Variants in AGMO observed in about 807,000 individuals in gnomAD.
The protein encoded by AGMO is glyceryl-ether monooxygenase.
In AGMO, 75 loss-of-function variants were observed where a neutral mutation model predicts 60.2. The observed-to-expected ratio is 1.25, with a 90% CI of 1.03 to 1.51. The LOEUF is 1.51. AGMO is among the 40% of genes most tolerant of loss of function. The pLI, the probability that AGMO is intolerant of heterozygous loss-of-function variation, is 0.00. For missense variants in AGMO, 763 were observed against 525.5 expected (o/e 1.45, Z -4.42); for synonymous variants, 261 against 177.1 (o/e 1.47, Z -3.76).
At chr7:15,224,628 C>A (rs1782022191) in intron 12 of AGMO, among the ~76,000 whole-genome samples, 1 of 152,004 alleles carries the variant, frequency 6.6e-6, no homozygotes, top group South Asian at 2.1e-4. Flanking sequence ...CTAAGGCAAG[C>A]ACTGAATGTC....
At chr7:15,405,861 T>TA (rs142900964) in intron 5 of AGMO, among the ~76,000 whole-genome samples, 14,539 of 151,818 alleles carry the variant, frequency 0.096, 835 homozygotes, top group South Asian at 0.15. Flanking sequence ...CTAATGAAGC[T>TA]AAAATAGGAC....
chr7:15,404,080 G>A (rs1488017329), intron 5 of AGMO, among the ~76,000 whole-genome samples: 1 of 151,884 alleles, frequency 6.6e-6, no homozygotes, highest in African/African-American at 2.4e-5. Context: ...AATATTTATA[G>A]TTTGGAAATA....
intron 12 of AGMO, among the ~76,000 whole-genome samples, chr7:15,335,395 G>A (rs865893979): frequency 6.6e-6 from 1 of 152,114 alleles, no homozygotes; most frequent in South Asian, 2.1e-4. Context: ...AATATTTGGT[G>A]ATCTAAGTGG....
At chr7:15,438,231 TA>T (rs1438194158) in intron 3 of AGMO, among the ~76,000 whole-genome samples, 1 of 151,768 alleles carries the variant, frequency 6.6e-6, no homozygotes, top group Non-Finnish European at 1.5e-5. Context: ...CTTAAAAATC[TA>T]AATTATATTG....
chr7:15,185,002 G>A, the AGMO span, among the ~76,000 whole-genome samples: 1 of 152,100 alleles, frequency 6.6e-6, no homozygotes, highest in Admixed American at 6.5e-5. Context: ...GAATTGTTTT[G>A]TTGTGCAAGT....
At chr7:15,557,691 C>G (rs1785183481) in intron 2 of AGMO, among the ~76,000 whole-genome samples, 1 of 151,786 alleles carries the variant, frequency 6.6e-6, no homozygotes, top group African/African-American at 2.4e-5. Context: ...ATTTGCTTTA[C>G]TGGGATCTTT....
At chr7:15,344,393 T>G (rs1181299095) in intron 12 of AGMO, among the ~76,000 whole-genome samples, 1 of 152,206 alleles carries the variant, frequency 6.6e-6, no homozygotes, top group Non-Finnish European at 1.5e-5. Context: ...CATTTTATAA[T>G]TTAAAACTTA....
At chr7:15,516,667 T>G (rs1195836544) in intron 3 of AGMO, among the ~76,000 whole-genome samples, 2 of 152,214 alleles carry the variant, frequency 1.3e-5, no homozygotes, top group African/African-American at 4.8e-5. Flanking sequence ...TCTGGACACT[T>G]AGCTCAATTC....
intron 12 of AGMO, among the ~76,000 whole-genome samples, chr7:15,263,143 A>C (rs1231066394): frequency 6.6e-6 from 1 of 152,122 alleles, no homozygotes; most frequent in East Asian, 1.9e-4. Flanking sequence ...TTAACAGACA[A>C]CCCAAAGTTT....
intron 12 of AGMO, among the ~76,000 whole-genome samples, chr7:15,212,247 TACACACACACACACACACACACAC>T (rs57236152): frequency 1.4e-5 from 2 of 146,276 alleles, no homozygotes; most frequent in African/African-American, 2.5e-5. Flanking sequence ...AGGTGTGGAG[TACACACACACACACACACACACAC>T]ACACACACAC....
At chr7:15,352,498 G>A (rs1162864969) in intron 12 of AGMO, among the ~76,000 whole-genome samples, 1 of 150,600 alleles carries the variant, frequency 6.6e-6, no homozygotes, top group African/African-American at 2.5e-5. Flanking sequence ...ATAATGAGCA[G>A]CTTTTCAGAG....
intron 3 of AGMO, among the ~76,000 whole-genome samples, chr7:15,478,762 G>A (rs528983144): frequency 1.3e-5 from 2 of 152,212 alleles, no homozygotes; most frequent in South Asian, 4.1e-4. Flanking sequence ...GCCTGTTCAG[G>A]TCAGATAAGA....
At chr7:15,199,408 C>A (rs186120938), downstream of AGMO, among the ~76,000 whole-genome samples, 1 of 152,254 alleles carries the variant, frequency 6.6e-6, no homozygotes, top group Non-Finnish European at 1.5e-5. Flanking sequence ...TATTTATTAA[C>A]ATTTCTATTA....
intron 12 of AGMO, among the ~76,000 whole-genome samples, chr7:15,349,304 C>T (rs1782147882): frequency 6.6e-6 from 1 of 152,132 alleles, no homozygotes; most frequent in African/African-American, 2.4e-5. Context: ...GATCTGAGTT[C>T]ATTTTAACTT....
At chr7:15,368,349 G>A (rs1783064936) in intron 10 of AGMO, among the ~76,000 whole-genome samples, 1 of 151,018 alleles carries the variant, frequency 6.6e-6, no homozygotes. Context: ...TACTTTGTTT[G>A]ATTAAAATGG....
At chr7:15,491,068 T>C (rs1305279103) in intron 3 of AGMO, among the ~76,000 whole-genome samples, 12 of 152,192 alleles carry the variant, frequency 7.9e-5, no homozygotes, top group Non-Finnish European at 1.8e-4. Context: ...AATCTGCCCA[T>C]TGTTAAATTA....
the AGMO span, among the ~76,000 whole-genome samples, chr7:15,130,500 A>C: frequency 6.6e-6 from 1 of 152,104 alleles, no homozygotes; most frequent in African/African-American, 2.4e-5. Flanking sequence ...GAAATTGTTT[A>C]AAACATTGTT....
chr7:15,387,331 G>C (rs4541808), intron 9 of AGMO, 75 bp downstream of exon 9: 2 of 1,500,552 alleles, frequency 1.3e-6, no homozygotes, highest in South Asian at 1.2e-5. Flanking sequence ...TGAAAACAGC[G>C]TATGTACAGG....
chr7:15,206,717 C>G (rs550938726), intron 12 of AGMO, among the ~76,000 whole-genome samples: 1 of 152,032 alleles, frequency 6.6e-6, no homozygotes, highest in African/African-American at 2.4e-5. Context: ...AAAGAATATC[C>G]TTCAATCAAT....
Sources: gnomAD v4.1 joint callset for allele counts (sites outside exome capture counted in the v4.1 genomes callset) on GRCh38, gnomAD v4.1.1 for gene constraint, MANE v1.5 for transcripts, NCBI Gene and HGNC (gene_info 2026-07-23, HGNC 2026-07-21) for gene names.